The following CSGALNACT1 variants were observed in gnomAD, a reference collection of about 807,000 sequenced individuals.
CSGALNACT1 encodes the protein chondroitin sulfate N-acetylgalactosaminyltransferase 1.
A neutral mutation model predicts 51.0 loss-of-function variants in CSGALNACT1; 52 were observed. The observed-to-expected ratio is 1.02, with a 90% CI of 0.82 to 1.29. The LOEUF is 1.29. Among genes scored for constraint, CSGALNACT1 ranks in the 50% most tolerant of loss-of-function variants. The pLI, the probability that CSGALNACT1 is intolerant of heterozygous loss-of-function variation, is 0.00. For missense variants in CSGALNACT1, 935 were observed against 679.2 expected, an observed-to-expected ratio of 1.38 and a Z score of -4.19; for synonymous variants, 341 against 254.4, an observed-to-expected ratio of 1.34 and a Z score of -3.24.
chr8:19,513,846 T>C (rs748121895), intron 3 of CSGALNACT1, among the ~76,000 whole-genome samples: 2 of 152,068 alleles, frequency 1.3e-5, no homozygotes, highest in African/African-American at 2.4e-5. Flanking sequence ...AGTAAAAATA[T>C]AGTATTATAA....
chr8:19,503,733 G>A (rs907411924), intron 4 of CSGALNACT1, among the ~76,000 whole-genome samples: 1 of 151,492 alleles, frequency 6.6e-6, no homozygotes, highest in Admixed American at 6.6e-5. Context: ...GCTTATACAG[G>A]TTAGCTCCTG....
Position 19,564,344 on chromosome 8 carries a change from G to T in CSGALNACT1, c.-297+26816C>A, listed in dbSNP as rs1024834233. On this transcript the variant is annotated intron_variant, in intron 3 of 9. Transcript: ENST00000454498. ...AATAAAAACAGCCACAAAAATGGAT[G>T]CCTAGTCCCATCCTCAGAAATTTCA... Among the ~76,000 whole-genome samples the T allele has an allele frequency of 3.3e-5, 5 of 151,622 alleles. 1 individual carries two copies. The highest frequency in any genetic ancestry group is 7.0e-3 in the Middle Eastern group (2 of 284).
chr8:19,490,543 C>G (rs531934603), intron 4 of CSGALNACT1, among the ~76,000 whole-genome samples: 1 of 152,326 alleles, frequency 6.6e-6, no homozygotes, highest in African/African-American at 2.4e-5. Context: ...CCACCAAACT[C>G]TTGCTTAGAG....
chr8:19,527,236 A>G (rs2081899464), intron 3 of CSGALNACT1, among the ~76,000 whole-genome samples: 1 of 152,236 alleles, frequency 6.6e-6, no homozygotes, highest in African/African-American at 2.4e-5. Flanking sequence ...AACCTCACGC[A>G]TTCAGAAACA....
intron 5 of CSGALNACT1, among the ~76,000 whole-genome samples, chr8:19,457,245 A>G (rs939630476): frequency 2.6e-5 from 4 of 152,242 alleles, no homozygotes; most frequent in Non-Finnish European, 4.4e-5. Flanking sequence ...ACGCTCATGA[A>G]CCAGAATTTT....
At chr8:19,582,177 G>C (rs1303182096) in intron 3 of CSGALNACT1, among the ~76,000 whole-genome samples, 1 of 152,220 alleles carries the variant, frequency 6.6e-6, no homozygotes, top group Non-Finnish European at 1.5e-5. Flanking sequence ...GGCACTGCAA[G>C]TGACTATATT....
intron 5 of CSGALNACT1, among the ~76,000 whole-genome samples, chr8:19,458,103 T>G (rs1293427870): frequency 6.6e-6 from 1 of 152,166 alleles, no homozygotes; most frequent in African/African-American, 2.4e-5. Context: ...CCTGGGAGTC[T>G]TGGTTCCTGC....
At chr8:19,541,249 T>TC (rs1324840857) in intron 3 of CSGALNACT1, among the ~76,000 whole-genome samples, 3 of 143,526 alleles carry the variant, frequency 2.1e-5, no homozygotes, top group Non-Finnish European at 4.6e-5. Context: ...TTGGCTAATT[T>TC]TTTTTTTTTT....
rs1417489616 is a variant in CSGALNACT1 at position 19,505,643 on chromosome 8, C to G, written c.192G>C (p.Trp64Cys). The change falls in exon 4 of 10, where the codon TGG becomes TGC. Residue 64 changes from tryptophan (W) to cysteine (C), a missense_variant. Transcript: ENST00000454498. The stretch of plus-strand genomic sequence containing the variant: ...TCACGTAGTTGCGGTGCTGCTCCTC[C>G]CACTCCTGAAGGACGGCCTGGTACC... 2 of 1,614,156 alleles carry G rather than the reference C, an allele frequency of 1.2e-6. No individual in the cohort carries two copies. Among genetic ancestry groups the G allele is most frequent in the Non-Finnish European group, 1.7e-6 (2 of 1,180,036 alleles).
At chr8:19,622,534 A>C (rs555276478) in intron 1 of CSGALNACT1, among the ~76,000 whole-genome samples, 259 of 152,352 alleles carry the variant, frequency 1.7e-3, no homozygotes, top group Non-Finnish European at 2.6e-3. Flanking sequence ...CATTCCTATT[A>C]CTACATTTTA....
At chr8:19,597,285 C>CTTTTTTTTTTTTTTTTTTTTTTTTTTT (rs35177349) in intron 2 of CSGALNACT1, among the ~76,000 whole-genome samples, 11 of 64,528 alleles carry the variant, frequency 1.7e-4, no homozygotes, top group African/African-American at 7.0e-4. Context: ...TATCTTCTTT[C>CTTTTTTTTTTTTTTTTTTTTTTTTTTT]TTTTTTTTTT....
chr8:19,626,621 G>A (rs2054492452), intron 1 of CSGALNACT1, among the ~76,000 whole-genome samples: 1 of 152,132 alleles, frequency 6.6e-6, no homozygotes, highest in African/African-American at 2.4e-5. Flanking sequence ...AAGTATCTTG[G>A]GAATAGGATG....
At chr8:19,569,244 G>T (rs1013435872) in intron 3 of CSGALNACT1, among the ~76,000 whole-genome samples, 1 of 152,178 alleles carries the variant, frequency 6.6e-6, no homozygotes, top group Non-Finnish European at 1.5e-5. Flanking sequence ...AGCATAATGT[G>T]CTTGACTATT....
rs71205928 is a variant in CSGALNACT1, at chr8:19,493,057, GAA to G, written c.634+12142_634+12143del. On this transcript the variant is annotated intron_variant, in intron 4 of 9. Coordinates refer to ENST00000454498, the Ensembl canonical transcript of CSGALNACT1. ...GATAGCTGCCTAAAATTCTTTTTTT[GAA>G]AAAAAAAAAAAACATCTGTAAATAT... 4.2e-3 allele frequency among the ~76,000 whole-genome samples: 597 copies of G among 141,366 alleles called. 2 individuals carry two copies. Among genetic ancestry groups the G allele is most frequent in the Middle Eastern group, 7.3e-3 (2 of 274 alleles). 92.7% of individuals were successfully genotyped at this position (141,366 alleles called of 152,430 possible). A position where few individuals can be genotyped will look rare whatever the true frequency, so the allele number is the denominator to read the frequency against.
chr8:19,625,778 C>T (rs1018840591), intron 1 of CSGALNACT1, among the ~76,000 whole-genome samples: 2 of 152,178 alleles, frequency 1.3e-5, no homozygotes, highest in Non-Finnish European at 2.9e-5. Context: ...GAAAATCCTA[C>T]AGAACAAGGA....
At chr8:19,424,429 G>A (rs2058458809) in intron 6 of CSGALNACT1, among the ~76,000 whole-genome samples, 1 of 151,982 alleles carries the variant, frequency 6.6e-6, no homozygotes, top group South Asian at 2.1e-4. Flanking sequence ...CTCCTCTCTT[G>A]CCATCAGGAA....
chr8:19,527,883 C>T (rs563373039), intron 3 of CSGALNACT1, among the ~76,000 whole-genome samples: 18 of 152,224 alleles, frequency 1.2e-4, no homozygotes, highest in South Asian at 4.1e-4. Flanking sequence ...AAGAGCTGTA[C>T]GCCAGAGAGG....
intron 5 of CSGALNACT1, among the ~76,000 whole-genome samples, chr8:19,453,003 C>T (rs990579804): frequency 3.3e-5 from 5 of 152,142 alleles, no homozygotes; most frequent in African/African-American, 1.2e-4. Flanking sequence ...CAAGGAGAAT[C>T]CACCCAAACT....
chr8:19,420,721 G>C (rs909260217), intron 6 of CSGALNACT1, among the ~76,000 whole-genome samples: 2 of 152,206 alleles, frequency 1.3e-5, no homozygotes, highest in African/African-American at 4.8e-5. Context: ...ACCTAGTGGA[G>C]TTTTAACACT....
Sources: allele counts gnomAD v4.1 joint callset (sites outside exome capture counted in the v4.1 genomes callset), GRCh38; gene constraint gnomAD v4.1.1; transcripts MANE v1.5; gene names NCBI Gene and HGNC (gene_info 2026-07-23, HGNC 2026-07-21).